The following CPEB3 variants were observed in gnomAD, a reference collection of about 807,000 sequenced individuals.
The protein encoded by CPEB3 is cytoplasmic polyadenylation element binding protein 3.
A neutral mutation model predicts 67.2 loss-of-function variants in CPEB3; 20 were observed. The observed-to-expected ratio is 0.30, with a 90% CI of 0.21 to 0.43. The LOEUF (loss-of-function observed/expected upper bound fraction) is 0.43, where lower values mean the gene tolerates loss of function less well. Ranked by LOEUF, CPEB3 falls within the 20% of genes least tolerant of loss-of-function variation. CPEB3 has a pLI of 1.00. For missense variants in CPEB3, 746 were observed against 968.6 expected, an observed-to-expected ratio of 0.77 and a Z score of 3.05; for synonymous variants, 376 against 393.1, an observed-to-expected ratio of 0.96 and a Z score of 0.51.
chr10:92,266,061 C>T (rs1337959703), intron 1 of CPEB3, among the ~76,000 whole-genome samples: 2 of 152,078 alleles, frequency 1.3e-5, no homozygotes, highest in African/African-American at 4.8e-5. Flanking sequence ...ACATGTGATG[C>T]CCTACACAGC....
intron 2 of CPEB3, among the ~76,000 whole-genome samples, chr10:92,229,044 G>A (rs1851132476): frequency 1.3e-5 from 2 of 151,524 alleles, no homozygotes; most frequent in South Asian, 4.2e-4. Context: ...TTTTTTTAGA[G>A]ACAGGGTCTC....
At chr10:92,134,506 A>G (rs1845994634) in intron 6 of CPEB3, among the ~76,000 whole-genome samples, 2 of 151,964 alleles carry the variant, frequency 1.3e-5, no homozygotes, top group Admixed American at 6.5e-5. Context: ...GCTCAATGAA[A>G]TAAAAGAGGA....
chr10:92,074,817 T>C lies in CPEB3; in HGVS notation c.1869+6503A>G, dbSNP rs576413985. On this transcript the variant is annotated intron_variant, in intron 9 of 9. Coordinates refer to ENST00000265997, the MANE Select transcript of CPEB3 (RefSeq NM_014912.5). ...AGTATAAAAAGCTCGCTCTCGTTGCTGTGTAAAAAATGACTTGGAGATGGG... is the reference window on the plus strand; with the variant it reads ...AGTATAAAAAGCTCGCTCTCGTTGCCGTGTAAAAAATGACTTGGAGATGGG... 2.9e-3 allele frequency among the ~76,000 whole-genome samples: 446 copies of C among 152,314 alleles called. 2 individuals are homozygous for C. Among genetic ancestry groups the C allele is most frequent in the Non-Finnish European group, 4.2e-3 (286 of 68,026 alleles).
chr10:92,081,203 A>G (rs1228122832), intron 9 of CPEB3, 117 bp downstream of exon 9: 8 of 1,049,450 alleles, frequency 7.6e-6, no homozygotes, highest in African/African-American at 1.6e-5. Flanking sequence ...TTCATGGACT[A>G]ATGCCATGCA....
At chr10:92,189,351 T>A (rs1383862440) in intron 3 of CPEB3, among the ~76,000 whole-genome samples, 1 of 152,232 alleles carries the variant, frequency 6.6e-6, no homozygotes, top group Non-Finnish European at 1.5e-5. Context: ...TGAAGTCTAG[T>A]TGGAAAGAAG....
chr10:92,066,662 C>T (rs1057269708), intron 9 of CPEB3, among the ~76,000 whole-genome samples: 1 of 152,104 alleles, frequency 6.6e-6, no homozygotes, highest in African/African-American at 2.4e-5. Context: ...TAAAAACCAC[C>T]GTAACCTCAT....
At chr10:92,078,831 G>A (rs541142759) in intron 9 of CPEB3, among the ~76,000 whole-genome samples, 194 of 152,190 alleles carry the variant, frequency 1.3e-3, no homozygotes, top group Non-Finnish European at 2.1e-3. Context: ...TGAGAATAGC[G>A]GTAGGCAACA....
intron 6 of CPEB3, among the ~76,000 whole-genome samples, chr10:92,114,976 G>C (rs892103399): frequency 6.6e-6 from 1 of 152,222 alleles, no homozygotes; most frequent in African/African-American, 2.4e-5. Context: ...ACAAACATTA[G>C]AATTCAAATT....
intron 2 of CPEB3, among the ~76,000 whole-genome samples, chr10:92,217,904 G>T (rs1850509123): frequency 6.6e-6 from 1 of 152,202 alleles, no homozygotes; most frequent in South Asian, 2.1e-4. Flanking sequence ...AACAGCTTGA[G>T]CCCAGGAGTT....
At chr10:92,092,188 C>A (rs1393543439) in intron 7 of CPEB3, among the ~76,000 whole-genome samples, 1 of 152,150 alleles carries the variant, frequency 6.6e-6, no homozygotes, top group African/African-American at 2.4e-5. Context: ...CCATCAGAAA[C>A]CACCTCTGCC....
intron 1 of CPEB3, among the ~76,000 whole-genome samples, chr10:92,265,809 T>C (rs181018444): frequency 0.017 from 2,524 of 144,430 alleles, 31 homozygotes; most frequent in Non-Finnish European, 0.03. Context: ...TTTTTTCAAA[T>C]AGAAACTCTT....
intron 1 of CPEB3, among the ~76,000 whole-genome samples, chr10:92,244,899 T>C (rs1219336294): frequency 6.6e-6 from 1 of 152,218 alleles, no homozygotes; most frequent in Non-Finnish European, 1.5e-5. Flanking sequence ...AAGATATTTC[T>C]TGTGGGATTT....
At chr10:92,118,920 C>A in intron 6 of CPEB3, 1 of 1,080,904 alleles carries the variant, frequency 9.3e-7, no homozygotes, top group Non-Finnish European at 1.4e-6. Context: ...GGCATGTCAG[C>A]CCTGTTACTC....
chr10:92,226,054 A>T (rs1439991149), intron 2 of CPEB3, among the ~76,000 whole-genome samples: 1 of 152,074 alleles, frequency 6.6e-6, no homozygotes, highest in Non-Finnish European at 1.5e-5. Context: ...CCGAGATTGC[A>T]CCAATGCACT....
At chr10:92,199,546 T>A (rs924047480) in intron 2 of CPEB3, among the ~76,000 whole-genome samples, 2 of 151,568 alleles carry the variant, frequency 1.3e-5, no homozygotes, top group African/African-American at 4.8e-5. Context: ...TAGCTGGGTG[T>A]GGTGGCACGC....
chr10:92,283,712 C>A (rs1054785940), intron 1 of CPEB3, among the ~76,000 whole-genome samples: 52 of 138,730 alleles, frequency 3.7e-4, no homozygotes, highest in South Asian at 2.3e-4. Context: ...TTTCTTTTTT[C>A]TTTTTCTTTC....
At chr10:92,153,481 T>C (rs1322526259) in intron 4 of CPEB3, among the ~76,000 whole-genome samples, 1 of 152,180 alleles carries the variant, frequency 6.6e-6, no homozygotes, top group African/African-American at 2.4e-5. Context: ...GAAATTCTGT[T>C]AAACATCAAA....
At chr10:92,214,633 C>T (rs1850255502) in intron 2 of CPEB3, among the ~76,000 whole-genome samples, 1 of 152,052 alleles carries the variant, frequency 6.6e-6, no homozygotes, top group Non-Finnish European at 1.5e-5. Flanking sequence ...CAGGCATGCA[C>T]CACGACATCT....
intron 7 of CPEB3, among the ~76,000 whole-genome samples, chr10:92,096,653 A>G (rs7085684): frequency 0.39 from 59,317 of 151,960 alleles, 12,355 homozygotes; most frequent in African/African-American, 0.53. Context: ...ACTCTAAAAA[A>G]AGGTTGCTGG....
Sources: gnomAD v4.1 joint callset for allele counts (sites outside exome capture counted in the v4.1 genomes callset) on GRCh38, gnomAD v4.1.1 for gene constraint, MANE v1.5 for transcripts, NCBI Gene and HGNC (gene_info 2026-07-23, HGNC 2026-07-21) for gene names.